CPT1C: variants seen among roughly 807,000 people sequenced by gnomAD.
CPT1C encodes the protein palmitoyl thioesterase CPT1C.
CPT1C carries 61 observed loss-of-function variants against 97.3 expected under a neutral mutation model. That is an observed-to-expected ratio of 0.63 (90% CI 0.51 to 0.78). The LOEUF (loss-of-function observed/expected upper bound fraction) is 0.78. Among genes scored for constraint, CPT1C ranks in the 30% least tolerant of loss-of-function variants. The pLI is 0.00. For synonymous variants in CPT1C, 469 were observed against 447.2 expected (o/e 1.05, Z -0.61); for missense variants, 975 against 1,065.5 (o/e 0.92, Z 1.18).
rs779440060 is a variant in CPT1C at position 49,710,633 on chromosome 19, G to A, written c.1732-90G>A. The A allele has an allele frequency of 3.2e-5, 50 of 1,568,776 alleles. No individual in the cohort carries two copies. In the South Asian group the frequency reaches 5.2e-4, roughly 16 times the overall value. On this transcript the variant is annotated intron_variant, in intron 15 of 19. Coordinates refer to ENST00000598293, the MANE Select transcript of CPT1C (RefSeq NM_001199753.2). The stretch of plus-strand genomic sequence containing the variant: ...TCCAACCATTCTTGGGCTGGCTGGA[G>A]GAGGCTGGAGGTCTGGACAGAGATA...
chr19:49,691,905 T>G lies in CPT1C; in HGVS notation c.-15+16T>G. On this transcript the variant is annotated intron_variant, in intron 2 of 19. Coordinates refer to ENST00000598293, the MANE Select transcript of CPT1C (RefSeq NM_001199753.2). Reference sequence around the variant, plus strand: ...GACCCTTCAGGTGCTTAGAGAAGGATGAGCTAGGTTATGTAGTCCTGGGTC... The same window carrying G: ...GACCCTTCAGGTGCTTAGAGAAGGAGGAGCTAGGTTATGTAGTCCTGGGTC... The G allele has an allele frequency of 1.6e-5, 4 of 255,182 alleles. No individual in the cohort carries two copies. Among genetic ancestry groups the G allele is most frequent in the East Asian group, 9.4e-5 (1 of 10,664 alleles). The allele number at this position is 255,182 out of a possible 1,614,324, so 15.8% of individuals were successfully genotyped here.
chr19:49,692,427 G>A (rs756304714), intron 3 of CPT1C, 34 bp downstream of exon 3: 2 of 1,609,478 alleles, frequency 1.2e-6, no homozygotes, highest in African/African-American at 1.3e-5. Context: ...TCCTTCCGGG[G>A]ATCCAGGTTT....
At chr19:49,710,268 C>A in intron 14 of CPT1C, 52 bp from the exon 15 acceptor site, 1 of 1,582,036 alleles carries the variant, frequency 6.3e-7, no homozygotes, top group Non-Finnish European at 8.7e-7. Flanking sequence ...CTGGCTTTCA[C>A]CCTACCCCCA....
intron 7 of CPT1C, among the ~76,000 whole-genome samples, chr19:49,702,073 A>AT (rs2083170279): frequency 9.3e-6 from 1 of 107,170 alleles, no homozygotes; most frequent in African/African-American, 4.3e-5. Flanking sequence ...TTTATTTATA[A>AT]ATTATAAATA....
chr19:49,706,643 A>G lies in CPT1C; in HGVS notation c.1343+230A>G, dbSNP rs2083515879. On this transcript the variant is annotated intron_variant, in intron 12 of 19. Transcript: ENST00000598293. The surrounding 1 kb of genome is among the most constrained non-coding windows in gnomAD (Gnocchi z 4.8). ...CAAGACCTATAAACCAGACCCAGTG[A>G]CCCCCAAATCTGAGACTCCCAAACC... Among the ~76,000 whole-genome samples, 1 of 151,630 alleles carries G rather than the reference A, an allele frequency of 6.6e-6. No homozygotes were observed. Among genetic ancestry groups the G allele is most frequent in the Non-Finnish European group, 1.5e-5 (1 of 67,932 alleles).
chr19:49,701,385 G>A lies in CPT1C; in HGVS notation c.522G>A (p.Gln174=), dbSNP rs754416008. The part of the protein sequence containing the change: ...LFSYQRSLPR[Q]PVPSVQDTVR... ...GTTACCAGCGCTCCCTGCCACGCCA[G>A]CCCGTGCCCTCTGTGCAGGACACCG... The change falls in exon 6 of 20, where the codon CAG becomes CAA. Residue 174 remains glutamine, a synonymous_variant. Coordinates refer to ENST00000598293, the MANE Select transcript of CPT1C (RefSeq NM_001199753.2). 5 of 1,613,596 alleles carry A rather than the reference G, an allele frequency of 3.1e-6. No individual in the cohort carries two copies. The highest frequency in any genetic ancestry group is 3.4e-6 in the Non-Finnish European group (4 of 1,179,918).
Position 49,713,585 on chromosome 19 carries a change from A to G in CPT1C, c.2392A>G (p.Met798Val), listed in dbSNP as rs113511313. 5,581 of 1,612,116 alleles carry G rather than the reference A, an allele frequency of 3.5e-3. 19 individuals carry two copies. Among genetic ancestry groups the G allele is most frequent in the Non-Finnish European group, 4.1e-3 (4,836 of 1,179,104 alleles). ...SRQTGASKAS[M>V]TSTDF is the part of the protein sequence containing the mutation. ...CCAGACTGGGGCCTCCAAGGCCTCA[A>G]TGACATCCACCGACTTCTGACTCCT... The change falls in exon 20 of 20, where the codon ATG (methionine) becomes GTG (valine). Residue 798 changes from methionine (M) to valine (V), a missense_variant. Met to Val is a conservative substitution (Grantham distance 21, BLOSUM62 1). Coordinates refer to ENST00000598293, the MANE Select transcript of CPT1C (RefSeq NM_001199753.2).
At chr19:49,692,519 T>G (rs560719049) in intron 3 of CPT1C, 126 bp downstream of exon 3, 1 of 1,194,042 alleles carries the variant, frequency 8.4e-7, no homozygotes, top group East Asian at 2.6e-5. Flanking sequence ...TTTCTTAGAA[T>G]TTTGATGTCT....
intron 7 of CPT1C, among the ~76,000 whole-genome samples, chr19:49,702,147 T>TTATTTATAAATTATAAATAAATATA (rs2083201614): frequency 8.0e-6 from 1 of 124,408 alleles, no homozygotes; most frequent in Non-Finnish European, 1.7e-5. Flanking sequence ...AAATATATAT[T>TTATTTATAAATTATAAATAAATATA]TATTTATAAA....
intron 16 of CPT1C, 180 bp from the exon 17 acceptor site, chr19:49,711,629 G>C (rs1915300806): frequency 1.5e-6 from 1 of 668,948 alleles, no homozygotes. Context: ...CTCCCTGGCT[G>C]TGTGAACCTG....
rs1345952653 is a variant in CPT1C, at chr19:49,691,829, A to T, written c.-75A>T. ...TCTCTATGCGTTCCCAGAGGTCCCG[A>T]ATTGACGTCCTTCCCTCAAAACCTC... On this transcript the variant is annotated 5_prime_UTR_variant, in exon 2 of 20. Coordinates refer to ENST00000598293, the MANE Select transcript of CPT1C (RefSeq NM_001199753.2). 1.2e-5 allele frequency: 2 copies of T among 169,920 alleles called. No homozygotes were observed. The highest frequency in any genetic ancestry group is 2.5e-5 in the Non-Finnish European group (2 of 79,150). 10.5% of individuals were successfully genotyped at this position (169,920 alleles called of 1,614,324 possible).
intron 4 of CPT1C, 25 bp downstream of exon 4, chr19:49,697,490 G>C: frequency 6.2e-7 from 1 of 1,609,276 alleles, no homozygotes; most frequent in Non-Finnish European, 8.5e-7. Flanking sequence ...CTCCAGCCCA[G>C]TAACCCCCAA....
At chr19:49,702,121 T>TAAA (rs2083193034) in intron 7 of CPT1C, among the ~76,000 whole-genome samples, 24 of 105,516 alleles carry the variant, frequency 2.3e-4, no homozygotes, top group South Asian at 4.7e-4. Flanking sequence ...TATTTATTTA[T>TAAA]TTATAAATTA....
intron 10 of CPT1C, 23 bp downstream of exon 10, chr19:49,705,321 C>G: frequency 3.2e-6 from 5 of 1,552,340 alleles, no homozygotes; most frequent in Non-Finnish European, 4.4e-6. Flanking sequence ...CCTGTCCCCA[C>G]TGATGGAGGC....
Position 49,701,396 on chromosome 19 carries a change from C to T in CPT1C, c.533C>T (p.Ser178Phe). 6.2e-7 allele frequency: 1 copy of T among 1,612,966 alleles called. No individual in the cohort carries two copies. Among genetic ancestry groups the T allele is most frequent in the South Asian group, 1.1e-5 (1 of 91,004 alleles). ...TCCCTGCCACGCCAGCCCGTGCCCT[C>T]TGTGCAGGACACCGTGCGCAAGGTG... ...QRSLPRQPVP[S>F]VQDTVRKYLE... Residue 178 changes from serine (S) to phenylalanine (F), a missense_variant, in exon 6 of 20, where the codon TCT (serine) becomes TTT (phenylalanine). Around this residue, in one of 3 missense-constraint regions of CPT1C, gnomAD observed 596 missense variants for 603.1 expected, o/e 0.99. Transcript: ENST00000598293.
chr19:49,700,006 G>C (rs2082908969), intron 4 of CPT1C, among the ~76,000 whole-genome samples: 1 of 150,826 alleles, frequency 6.6e-6, no homozygotes, highest in South Asian at 2.1e-4. Context: ...CCAGCACTTT[G>C]GGATGCCAAG....
At chr19:49,703,595 C>CCCTCCCTCCTTTCCTTCCTTCCTT (rs1383754956) in intron 7 of CPT1C, among the ~76,000 whole-genome samples, 1 of 75,818 alleles carries the variant, frequency 1.3e-5, no homozygotes, top group East Asian at 3.7e-4. Context: ...CTCCCTCCCT[C>CCCTCCCTCCTTTCCTTCCTTCCTT]CCTTCCTTCC....
rs2082331130 is a variant in CPT1C, at chr19:49,691,262, C to A, written c.-162C>A. On this transcript the variant is annotated 5_prime_UTR_variant, in exon 1 of 20. Transcript: ENST00000598293. ...CATATGCAAGCGGGAGATTTGGGGCCGGCGCTCAAAATCGGGGGGCGGGGG... is the reference window on the plus strand; with the variant it reads ...CATATGCAAGCGGGAGATTTGGGGCAGGCGCTCAAAATCGGGGGGCGGGGG... The A allele has an allele frequency of 6.6e-6, 1 of 151,020 alleles. No individual in the cohort carries two copies. The highest frequency in any genetic ancestry group is 1.5e-5 in the Non-Finnish European group (1 of 67,780). 9.4% of individuals were successfully genotyped at this position (151,020 alleles called of 1,614,324 possible).
chr19:49,712,980 C>T lies in CPT1C; in HGVS notation c.2142C>T (p.Asp714=), dbSNP rs1322682426. The change falls in exon 19 of 20, where the codon GAC becomes GAT. Residue 714 remains aspartate (D), a synonymous_variant. Coordinates refer to ENST00000598293, the MANE Select transcript of CPT1C (RefSeq NM_001199753.2). ...SSGGGFGPAD[D]HGYGVSYIFM... ...ACTCTTTCCGTCTCCAGGCTGATGA[C>T]CATGGTTATGGTGTTTCTTATATCT... is the stretch of plus-strand genomic sequence containing the variant. The T allele has an allele frequency of 3.1e-6, 5 of 1,613,822 alleles. No homozygotes were observed.
Sources: gnomAD v4.1 joint callset for allele counts (sites outside exome capture counted in the v4.1 genomes callset) on GRCh38, gnomAD v4.1.1 for gene constraint, gnomAD v4.1.1 regional missense constraint, Gnocchi (gnomAD v3.1) non-coding constraint, MANE v1.5 for transcripts, NCBI Gene and HGNC (gene_info 2026-07-23, HGNC 2026-07-21) for gene names.